Variants in USP15 observed in about 807,000 individuals in gnomAD.
The protein encoded by USP15 is ubiquitin carboxyl-terminal hydrolase 15.
A neutral mutation model predicts 127.1 loss-of-function variants in USP15; 18 were observed. That is an observed-to-expected ratio of 0.14 (90% CI 0.10 to 0.21). The LOEUF (loss-of-function observed/expected upper bound fraction) is 0.21. USP15 is among the 10% of genes least tolerant of loss of function. USP15 has a pLI of 1.00. For synonymous variants in USP15, 364 were observed against 393.7 expected (o/e 0.92, Z 0.89); for missense variants, 805 against 1,159.9 (o/e 0.69, Z 4.44).
At chr12:62,288,470 T>A (rs568144999) in intron 1 of USP15, among the ~76,000 whole-genome samples, 2 of 151,870 alleles carry the variant, frequency 1.3e-5, no homozygotes, top group South Asian at 4.2e-4. Context: ...ATGCTGAAAC[T>A]TTACTGAGTT....
At chr12:62,365,376 T>C (rs1185344685) in intron 8 of USP15, among the ~76,000 whole-genome samples, 1 of 152,190 alleles carries the variant, frequency 6.6e-6, no homozygotes, top group East Asian at 1.9e-4. Flanking sequence ...GTTCATATCC[T>C]TTGCCCACTT....
At chr12:62,304,121 A>G (rs1336129719) in intron 3 of USP15, among the ~76,000 whole-genome samples, 1 of 152,100 alleles carries the variant, frequency 6.6e-6, no homozygotes, top group Non-Finnish European at 1.5e-5. Context: ...CACATTATAC[A>G]CTAGCGGTCT....
rs968909349 is a variant in USP15 at position 62,415,677 on chromosome 12, T to A, written c.*11302T>A. 1.3e-5 allele frequency: 2 copies of A among 152,182 alleles called. No individual in the cohort carries two copies. Among genetic ancestry groups the A allele is most frequent in the East Asian group, 3.9e-4 (2 of 5,190 alleles). The allele number at this position is 152,182 out of a possible 1,614,324, so 9.4% of individuals were successfully genotyped here. On this transcript the variant is annotated 3_prime_UTR_variant, in exon 22 of 22. Coordinates refer to ENST00000280377, the MANE Select transcript of USP15 (RefSeq NM_001252078.2). Reference sequence around the variant, plus strand: ...AGAAGGGAACAATGTGACTTAAAACTGCATATTTGCTTAGCAAACCTATGA... The same window carrying A: ...AGAAGGGAACAATGTGACTTAAAACAGCATATTTGCTTAGCAAACCTATGA...
At chr12:62,301,046 A>G (rs745524854) in intron 2 of USP15, among the ~76,000 whole-genome samples, 1 of 152,166 alleles carries the variant, frequency 6.6e-6, no homozygotes, top group Non-Finnish European at 1.5e-5. Flanking sequence ...GTAAAGCCCA[A>G]TGGAAAAAGT....
intron 1 of USP15, among the ~76,000 whole-genome samples, chr12:62,291,569 G>A (rs963273473): frequency 1.2e-4 from 18 of 152,290 alleles, no homozygotes; most frequent in South Asian, 2.1e-4. Flanking sequence ...TGAGGGTATC[G>A]TAACACCCTG....
chr12:62,380,794 A>G (rs573749501), intron 8 of USP15, among the ~76,000 whole-genome samples: 1 of 152,194 alleles, frequency 6.6e-6, no homozygotes, highest in African/African-American at 2.4e-5. Flanking sequence ...TACGTCTGCC[A>G]TGTTTTATTT....
chr12:62,324,615 G>GA (rs1318853848), intron 5 of USP15, among the ~76,000 whole-genome samples: 1 of 151,916 alleles, frequency 6.6e-6, no homozygotes, highest in Non-Finnish European at 1.5e-5. Context: ...GTAGGGAGAG[G>GA]AAGGTGATCA....
rs138214574 is a variant in USP15, at chr12:62,314,843, A to G, written c.402A>G (p.Thr134=). The change falls in exon 4 of 22, where the codon ACA becomes ACG. Residue 134 remains threonine (T), a synonymous_variant. Transcript: ENST00000280377. ...VKHCKVEVYL[T]ELKLCENGNM... is the part of the protein sequence containing the mutation. ...ACTGCAAAGTAGAAGTATATCTCACAGAATTGAAGCTATGTGAAAATGGAA... is the reference window on the plus strand; with the variant it reads ...ACTGCAAAGTAGAAGTATATCTCACGGAATTGAAGCTATGTGAAAATGGAA... 57 of 1,598,324 alleles carry G rather than the reference A, an allele frequency of 3.6e-5. No homozygotes were observed. In the East Asian group the frequency reaches 1.3e-3, roughly 36 times the overall value.
intron 8 of USP15, among the ~76,000 whole-genome samples, chr12:62,368,391 C>G (rs572348484): frequency 6.6e-6 from 1 of 152,242 alleles, no homozygotes; most frequent in African/African-American, 2.4e-5. Flanking sequence ...ATTGATCTGT[C>G]TAATATTAAC....
rs188510898 is a variant in USP15, at chr12:62,375,038, A to G, written c.916-6452A>G. Among the ~76,000 whole-genome samples the G allele has an allele frequency of 2.0e-4, 30 of 152,226 alleles. No homozygotes were observed. In the East Asian group the frequency reaches 5.0e-3, roughly 25 times the overall value. ...TTTTATAAATAATTCTTCAAGGTGT[A>G]ATTAATGGCCTGAATATATTGAACC... On this transcript the variant is annotated intron_variant, in intron 8 of 21. Coordinates refer to ENST00000280377, the MANE Select transcript of USP15 (RefSeq NM_001252078.2).
At chr12:62,278,082 A>C (rs2063542960) in intron 1 of USP15, among the ~76,000 whole-genome samples, 1 of 152,104 alleles carries the variant, frequency 6.6e-6, no homozygotes, top group Admixed American at 6.5e-5. Flanking sequence ...TCTATTTCTA[A>C]ATTTTTTCTA....
chr12:62,364,733 C>T (rs1450296065), intron 8 of USP15, among the ~76,000 whole-genome samples: 1 of 151,776 alleles, frequency 6.6e-6, no homozygotes, highest in African/African-American at 2.4e-5. Flanking sequence ...CCCAACAAGC[C>T]CTGGTGTGTG....
At chr12:62,336,085 C>T in intron 6 of USP15, 1 of 985,420 alleles carries the variant, frequency 1.0e-6, no homozygotes, top group Non-Finnish European at 1.2e-6. Context: ...TTTGCAGCAG[C>T]TCTACTCAGA....
chr12:62,268,316 A>G (rs1218811758), intron 1 of USP15, among the ~76,000 whole-genome samples: 2 of 152,252 alleles, frequency 1.3e-5, no homozygotes, highest in African/African-American at 2.4e-5. Context: ...CTGCCTGCCT[A>G]TGTGTGATAG....
chr12:62,292,313 C>G (rs11174415), intron 1 of USP15, among the ~76,000 whole-genome samples: 9,821 of 152,324 alleles, frequency 0.064, 409 homozygotes, highest in Middle Eastern at 0.099. Context: ...ACAGGAGATG[C>G]TTGCCCCATG....
In USP15 at chr12:62,293,635, C is replaced by T. The variant is rs569745592; in HGVS notation, c.90-544C>T. ...CCTTCCAAAGCGCTGGGATTACAGG[C>T]GTAAGCCACTGCGCCCGGCTGTAAT... On this transcript the variant is annotated intron_variant, in intron 1 of 21. Transcript: ENST00000280377. 7.2e-4 allele frequency among the ~76,000 whole-genome samples: 109 copies of T among 152,256 alleles called. 1 individual carries two copies. Among genetic ancestry groups the T allele is most frequent in the Middle Eastern group, 3.4e-3 (1 of 294 alleles).
chr12:62,355,562 T>C, intron 8 of USP15, 87 bp downstream of exon 8: 4 of 1,393,128 alleles, frequency 2.9e-6, no homozygotes, highest in Non-Finnish European at 3.8e-6. Flanking sequence ...TGCCAGAACA[T>C]GAGTATATGT....
intron 6 of USP15, among the ~76,000 whole-genome samples, chr12:62,346,643 T>C (rs1255134713): frequency 6.6e-6 from 1 of 152,206 alleles, no homozygotes; most frequent in Non-Finnish European, 1.5e-5. Context: ...CTAACTGGTC[T>C]CCCAATCTTC....
chr12:62,380,981 T>C (rs1312359286), intron 8 of USP15, among the ~76,000 whole-genome samples: 1 of 152,100 alleles, frequency 6.6e-6, no homozygotes, highest in African/African-American at 2.4e-5. Context: ...AAGTAATCTG[T>C]ACTGTCTCTT....
Sources: allele counts gnomAD v4.1 joint callset (sites outside exome capture counted in the v4.1 genomes callset), GRCh38; gene constraint gnomAD v4.1.1; transcripts MANE v1.5; gene names NCBI Gene and HGNC (gene_info 2026-07-23, HGNC 2026-07-21).